ABTB2: variants seen among roughly 807,000 people sequenced by gnomAD.
ABTB2 encodes the protein ankyrin repeat and BTB domain containing 2.
Under a neutral mutation model 104.1 loss-of-function variants are expected in ABTB2, and 56 were observed. That is an observed-to-expected ratio of 0.54 (90% CI 0.43 to 0.67). ABTB2 has a LOEUF of 0.67. Among genes scored for constraint, ABTB2 ranks in the 30% least tolerant of loss-of-function variants. The probability of loss-of-function intolerance (pLI) is 0.00; values close to 1 mark genes in which losing one functional copy is unlikely to be tolerated. For missense variants in ABTB2, 1,279 were observed against 1,407.7 expected (o/e 0.91, Z 1.46); for synonymous variants, 606 against 608.2 (o/e 1.00, Z 0.05).
intron 8 of ABTB2, 32 bp downstream of exon 8, chr11:34,165,228 G>A (rs1254881275): frequency 2.6e-6 from 4 of 1,528,180 alleles, no homozygotes; most frequent in Non-Finnish European, 3.5e-6. Context: ...GCAGGGAAGG[G>A]TAGACAGAGC....
intron 8 of ABTB2, 60 bp from the exon 9 acceptor site, chr11:34,164,881 G>A (rs1324811239): frequency 7.7e-6 from 12 of 1,554,202 alleles, no homozygotes; most frequent in Non-Finnish European, 1.0e-5. Flanking sequence ...GGGCAGCTGA[G>A]GCGAAAGGGA....
At chr11:34,347,844 C>A (rs1855351242) in intron 1 of ABTB2, among the ~76,000 whole-genome samples, 1 of 152,132 alleles carries the variant, frequency 6.6e-6, no homozygotes, top group Non-Finnish European at 1.5e-5. Flanking sequence ...AAACCCTAAA[C>A]TGGAAGTCGA....
chr11:34,264,104 C>G (rs932599357), intron 1 of ABTB2, among the ~76,000 whole-genome samples: 1 of 152,166 alleles, frequency 6.6e-6, no homozygotes, highest in Admixed American at 6.5e-5. Context: ...GCTTCTCCAG[C>G]AGGAGAAAAA....
At chr11:34,210,825 G>C (rs570301751) in intron 1 of ABTB2, among the ~76,000 whole-genome samples, 3 of 152,210 alleles carry the variant, frequency 2.0e-5, no homozygotes, top group Non-Finnish European at 4.4e-5. Flanking sequence ...TCTTCTGCCA[G>C]CCTTCTTAGG....
intron 1 of ABTB2, among the ~76,000 whole-genome samples, chr11:34,282,324 G>A (rs1854456550): frequency 6.6e-6 from 1 of 152,032 alleles, no homozygotes; most frequent in African/African-American, 2.4e-5. Flanking sequence ...TACCTTGTAG[G>A]GCATTGAAAA....
At chr11:34,266,599 C>G (rs1854254028) in intron 1 of ABTB2, among the ~76,000 whole-genome samples, 1 of 152,204 alleles carries the variant, frequency 6.6e-6, no homozygotes, top group African/African-American at 2.4e-5. Flanking sequence ...ACCACAACAT[C>G]TCCTCTCCTC....
rs1030295870 is a variant in ABTB2, at chr11:34,152,203, T to C, written c.*184A>G. The C allele has an allele frequency of 2.1e-5, 14 of 657,972 alleles. No individual in the cohort carries two copies. Among genetic ancestry groups the C allele is most frequent in the Middle Eastern group, 4.2e-4 (1 of 2,400 alleles). The allele number at this position is 657,972 out of a possible 1,614,324, so 40.8% of individuals were successfully genotyped here. ...ACATCTCCCCTTTGCCCATCAGTGATTGAACAAACAGCTCTAGGGCAGAGG... is the reference window on the plus strand; with the variant it reads ...ACATCTCCCCTTTGCCCATCAGTGACTGAACAAACAGCTCTAGGGCAGAGG... On this transcript the variant is annotated 3_prime_UTR_variant, in exon 17 of 17. Transcript: ENST00000435224.
At chr11:34,203,732 A>G (rs1853372221) in intron 2 of ABTB2, among the ~76,000 whole-genome samples, 1 of 152,210 alleles carries the variant, frequency 6.6e-6, no homozygotes, top group Non-Finnish European at 1.5e-5. Context: ...GAAGAAACAG[A>G]GGCTTGCCGT....
intron 3 of ABTB2, among the ~76,000 whole-genome samples, chr11:34,174,694 G>A (rs1852938925): frequency 6.6e-6 from 1 of 152,256 alleles, no homozygotes; most frequent in African/African-American, 2.4e-5. Flanking sequence ...AGACCTCCCC[G>A]CCACCGAGGG....
At chr11:34,320,675 C>T (rs1292171951) in intron 1 of ABTB2, among the ~76,000 whole-genome samples, 8 of 152,156 alleles carry the variant, frequency 5.3e-5, no homozygotes, top group South Asian at 2.1e-4. Flanking sequence ...ATATGGGTGT[C>T]GTGTGTCCAC....
intron 10 of ABTB2, among the ~76,000 whole-genome samples, chr11:34,161,562 T>C (rs1852720963): frequency 6.6e-6 from 1 of 152,192 alleles, no homozygotes; most frequent in Non-Finnish European, 1.5e-5. Context: ...CCTCCTTGTC[T>C]GCACGGAAGC....
intron 1 of ABTB2, among the ~76,000 whole-genome samples, chr11:34,212,767 T>G (rs1057154458): frequency 2.6e-5 from 4 of 152,228 alleles, no homozygotes; most frequent in Admixed American, 6.5e-5. Flanking sequence ...TATCCTCCAC[T>G]TAACACTTCA....
At chr11:34,159,050 G>A (rs895999547) in intron 14 of ABTB2, among the ~76,000 whole-genome samples, 1 of 152,186 alleles carries the variant, frequency 6.6e-6, no homozygotes, top group Non-Finnish European at 1.5e-5. Flanking sequence ...TCTGTCTGCA[G>A]GCTGCCCAGA....
intron 1 of ABTB2, among the ~76,000 whole-genome samples, chr11:34,222,412 C>A (rs988989417): frequency 6.6e-6 from 1 of 152,252 alleles, no homozygotes; most frequent in East Asian, 1.9e-4. Flanking sequence ...TTAAGAGTGC[C>A]CTGGCTGTGG....
At chr11:34,352,871 C>A (rs2133130390) in intron 1 of ABTB2, among the ~76,000 whole-genome samples, 1 of 152,268 alleles carries the variant, frequency 6.6e-6, no homozygotes. Flanking sequence ...GCCTGGGCAA[C>A]ATAGCAAGAC....
intron 6 of ABTB2, 40 bp from the exon 7 acceptor site, chr11:34,167,400 CGA>C (rs1852815781): frequency 6.5e-7 from 1 of 1,548,060 alleles, no homozygotes; most frequent in Non-Finnish European, 8.9e-7. Flanking sequence ...TCTGGGCACC[CGA>C]GCGAAGGGAG....
At chr11:34,316,921 G>A (rs1003884542) in intron 1 of ABTB2, among the ~76,000 whole-genome samples, 3 of 152,156 alleles carry the variant, frequency 2.0e-5, no homozygotes, top group African/African-American at 7.2e-5. Context: ...GGGGAAGCCC[G>A]GGAGGCACAT....
chr11:34,205,114 C>T (rs1462408632), intron 1 of ABTB2, among the ~76,000 whole-genome samples: 1 of 152,172 alleles, frequency 6.6e-6, no homozygotes, highest in East Asian at 1.9e-4. Flanking sequence ...TTGTGCTATA[C>T]TTAGGGTTCT....
intron 1 of ABTB2, among the ~76,000 whole-genome samples, chr11:34,206,422 A>C (rs1853408430): frequency 6.6e-6 from 1 of 152,160 alleles, no homozygotes; most frequent in Non-Finnish European, 1.5e-5. Context: ...TGTGATGGGT[A>C]CTACTGACTT....
Sources: allele counts gnomAD v4.1 joint callset (sites outside exome capture counted in the v4.1 genomes callset), GRCh38; gene constraint gnomAD v4.1.1; transcripts MANE v1.5; gene names NCBI Gene and HGNC (gene_info 2026-07-23, HGNC 2026-07-21).